MDFIC2: variants seen among roughly 807,000 people sequenced by gnomAD.
MDFIC2 encodes the protein myoD family inhibitor domain-containing protein 2.
chr3:70,289,726 T>G (rs565382248), intron 2 of MDFIC2, among the ~76,000 whole-genome samples: 61 of 152,334 alleles, frequency 4.0e-4, no homozygotes, highest in African/African-American at 1.4e-3. Context: ...TCTTTTCACA[T>G]AGTCCCATAT....
At chr3:70,216,734 G>A (rs890180462) in intron 2 of MDFIC2, among the ~76,000 whole-genome samples, 3 of 152,114 alleles carry the variant, frequency 2.0e-5, no homozygotes, top group African/African-American at 7.2e-5. Flanking sequence ...GGTGAGGCAG[G>A]CCTTCCCTTA....
intron 2 of MDFIC2, among the ~76,000 whole-genome samples, chr3:70,220,385 G>C (rs1228546941): frequency 6.6e-6 from 1 of 151,998 alleles, no homozygotes; most frequent in Non-Finnish European, 1.5e-5. Context: ...GCTGCAGTGA[G>C]CTATGATGGC....
At chr3:70,214,621 T>A (rs1355725406) in intron 2 of MDFIC2, among the ~76,000 whole-genome samples, 3 of 150,226 alleles carry the variant, frequency 2.0e-5, no homozygotes, top group Admixed American at 6.6e-5. Context: ...TTTTTTTTTT[T>A]ATCTAACTAT....
intron 3 of MDFIC2, chr3:70,205,321 A>G (rs1701279631): frequency 1.3e-5 from 2 of 151,894 alleles, no homozygotes; most frequent in African/African-American, 4.8e-5. Context: ...GTCCTCACCA[A>G]TCCCTGTTGT....
At chr3:70,239,129 C>T (rs1211385389) in intron 2 of MDFIC2, among the ~76,000 whole-genome samples, 6 of 152,118 alleles carry the variant, frequency 3.9e-5, no homozygotes, top group Non-Finnish European at 8.8e-5. Flanking sequence ...ACTGGTCTTT[C>T]ATCAGTTCTA....
chr3:70,310,315 C>A (rs1237401603), intron 2 of MDFIC2, among the ~76,000 whole-genome samples: 5 of 151,780 alleles, frequency 3.3e-5, no homozygotes, highest in Non-Finnish European at 7.4e-5. Flanking sequence ...CAGAAATAAT[C>A]ATCTTTTTTC....
intron 2 of MDFIC2, among the ~76,000 whole-genome samples, chr3:70,246,934 C>T (rs538141299): frequency 3.3e-5 from 5 of 151,632 alleles, no homozygotes; most frequent in South Asian, 2.1e-4. Flanking sequence ...TTCAATAATT[C>T]GTAATTATAG....
At chr3:70,234,113 C>G (rs548250190) in intron 2 of MDFIC2, among the ~76,000 whole-genome samples, 7 of 152,258 alleles carry the variant, frequency 4.6e-5, no homozygotes, top group Admixed American at 1.3e-4. Flanking sequence ...GGAGTCATAT[C>G]TAATGAGACC....
chr3:70,311,096 A>G (rs992173737), intron 2 of MDFIC2, among the ~76,000 whole-genome samples: 1 of 152,232 alleles, frequency 6.6e-6, no homozygotes, highest in Non-Finnish European at 1.5e-5. Context: ...TTAACATGAC[A>G]TATTTATTAG....
At chr3:70,211,792 CT>C (rs979666349) in intron 2 of MDFIC2, among the ~76,000 whole-genome samples, 1 of 142,508 alleles carries the variant, frequency 7.0e-6, no homozygotes, top group African/African-American at 2.6e-5. Context: ...CCTTTCCTTT[CT>C]TTTCCTTTCC....
At chr3:70,301,958 G>C (rs1702352916) in intron 2 of MDFIC2, among the ~76,000 whole-genome samples, 1 of 152,086 alleles carries the variant, frequency 6.6e-6, no homozygotes, top group South Asian at 2.1e-4. Flanking sequence ...TAGAAATCAT[G>C]AAGCACTTTT....
intron 2 of MDFIC2, among the ~76,000 whole-genome samples, chr3:70,265,777 T>C (rs1166797478): frequency 6.6e-6 from 1 of 152,152 alleles, no homozygotes; most frequent in Non-Finnish European, 1.5e-5. Flanking sequence ...CTCAGGAAAC[T>C]TATAATCATG....
intron 2 of MDFIC2, among the ~76,000 whole-genome samples, chr3:70,297,035 C>T (rs989120799): frequency 2.6e-5 from 4 of 151,994 alleles, no homozygotes; most frequent in African/African-American, 9.7e-5. Context: ...ATGGCTTAAC[C>T]AAGGTGTGCT....
intron 2 of MDFIC2, among the ~76,000 whole-genome samples, chr3:70,218,301 T>A (rs1701433501): frequency 1.3e-5 from 2 of 152,178 alleles, no homozygotes; most frequent in African/African-American, 4.8e-5. Flanking sequence ...TGGTAGCATG[T>A]GCCTCCATTG....
intron 2 of MDFIC2, chr3:70,271,955 G>A (rs1701979738): frequency 6.6e-6 from 1 of 152,182 alleles, no homozygotes; most frequent in Admixed American, 6.6e-5. Flanking sequence ...TAGAGACAAC[G>A]TTTCATCATG....
intron 2 of MDFIC2, among the ~76,000 whole-genome samples, chr3:70,306,048 A>T (rs1559559513): frequency 6.6e-6 from 1 of 152,176 alleles, no homozygotes; most frequent in African/African-American, 2.4e-5. Flanking sequence ...TTCTATGTCA[A>T]CACTAAATAA....
intron 2 of MDFIC2, among the ~76,000 whole-genome samples, chr3:70,219,342 T>C (rs1426367451): frequency 6.6e-6 from 1 of 152,214 alleles, no homozygotes; most frequent in Non-Finnish European, 1.5e-5. Flanking sequence ...GTTTTCTGCA[T>C]GCTCCCGATT....
At position 70,289,766 on chromosome 3, in the gene MDFIC2, T is replaced by C. The variant is rs551052075; in HGVS notation, c.88+22120A>G. Among the ~76,000 whole-genome samples, 348 of 152,302 alleles carry C rather than the reference T, an allele frequency of 2.3e-3. 3 individuals are homozygous for C. Among genetic ancestry groups the C allele is most frequent in the African/African-American group, 8.0e-3 (331 of 41,568 alleles). ...TGGAGGGTTTGCTCGTTTCTTTTTA[T>C]TCTTTTTTCTCTAAACTTTCCTTCT... On this transcript the variant is annotated intron_variant, in intron 2 of 3. Coordinates refer to ENST00000567252, the MANE Select transcript of MDFIC2 (RefSeq NM_001364677.1).
At chr3:70,282,459 T>C (rs1575614671) in intron 2 of MDFIC2, among the ~76,000 whole-genome samples, 1 of 152,336 alleles carries the variant, frequency 6.6e-6, no homozygotes, top group East Asian at 1.9e-4. Context: ...TAAAGTCATA[T>C]CATGGCCTGC....
Sources: allele counts gnomAD v4.1 joint callset (sites outside exome capture counted in the v4.1 genomes callset), GRCh38; gene constraint gnomAD v4.1.1; transcripts MANE v1.5; gene names NCBI Gene and HGNC (gene_info 2026-07-23, HGNC 2026-07-21).